Variants in CDH12 observed in about 807,000 individuals in gnomAD.
The protein encoded by CDH12 is cadherin-12.
In CDH12, 41 loss-of-function variants were observed where a neutral mutation model predicts 74.1. That is an observed-to-expected ratio of 0.55 (90% CI 0.43 to 0.72). CDH12 has a LOEUF of 0.72. CDH12 is among the 30% of genes least tolerant of loss of function. The pLI is 0.00. For missense variants in CDH12, 945 were observed against 977.2 expected, an observed-to-expected ratio of 0.97 and a Z score of 0.44; for synonymous variants, 399 against 355.0, an observed-to-expected ratio of 1.12 and a Z score of -1.39.
chr5:22,099,110 T>G (rs946159795), intron 4 of CDH12, among the ~76,000 whole-genome samples: 7 of 152,130 alleles, frequency 4.6e-5, no homozygotes, highest in African/African-American at 1.7e-4. Context: ...AAATACCTCT[T>G]AGTCTAGGTA....
At chr5:21,996,772 T>G in intron 5 of CDH12, among the ~76,000 whole-genome samples, 1 of 152,330 alleles carries the variant, frequency 6.6e-6, no homozygotes, top group East Asian at 1.9e-4. Flanking sequence ...ATGGATTTCA[T>G]ATGTAAATGT....
chr5:22,257,762 C>G (rs1385257541), intron 3 of CDH12, among the ~76,000 whole-genome samples: 3 of 152,022 alleles, frequency 2.0e-5, no homozygotes, highest in African/African-American at 7.2e-5. Context: ...TCCCAAAGTG[C>G]TGGGATTACA....
At chr5:22,681,569 A>G (rs1741495739) in intron 1 of CDH12, among the ~76,000 whole-genome samples, 1 of 152,056 alleles carries the variant, frequency 6.6e-6, no homozygotes, top group South Asian at 2.1e-4. Context: ...TGCATATTAA[A>G]CTATAAAAGG....
chr5:22,166,741 T>C (rs1748705788), intron 4 of CDH12, among the ~76,000 whole-genome samples: 1 of 152,226 alleles, frequency 6.6e-6, no homozygotes, highest in Admixed American at 6.5e-5. Context: ...ATAAAAATGC[T>C]GTTTCTCTAA....
chr5:21,946,981 TAGTG>T (rs1482905550), intron 6 of CDH12, among the ~76,000 whole-genome samples: 5 of 152,274 alleles, frequency 3.3e-5, no homozygotes, highest in South Asian at 2.1e-4. Context: ...GTTCTCATGA[TAGTG>T]AGTAAGTTTT....
intron 1 of CDH12, among the ~76,000 whole-genome samples, chr5:22,611,288 A>G (rs952808205): frequency 6.6e-6 from 1 of 152,128 alleles, no homozygotes; most frequent in Non-Finnish European, 1.5e-5. Context: ...CAATTGAAAA[A>G]CCATTTATTT....
chr5:22,387,299 T>A (rs1742041672), intron 3 of CDH12, among the ~76,000 whole-genome samples: 1 of 152,102 alleles, frequency 6.6e-6, no homozygotes, highest in Admixed American at 6.6e-5. Context: ...TAAAAAAATG[T>A]AATGTACATT....
intron 9 of CDH12, among the ~76,000 whole-genome samples, chr5:21,813,923 C>T (rs1289714837): frequency 3.9e-5 from 6 of 152,062 alleles, no homozygotes; most frequent in Non-Finnish European, 7.4e-5. Flanking sequence ...TTGTTTATCT[C>T]CTGACGTCCT....
intron 4 of CDH12, among the ~76,000 whole-genome samples, chr5:22,102,090 T>C (rs1447711383): frequency 6.6e-6 from 1 of 152,202 alleles, no homozygotes; most frequent in Non-Finnish European, 1.5e-5. Context: ...AGTGAAAATA[T>C]ATATTTATAA....
At chr5:22,774,123 A>C (rs2126320967) in intron 1 of CDH12, among the ~76,000 whole-genome samples, 1 of 152,286 alleles carries the variant, frequency 6.6e-6, no homozygotes, top group East Asian at 1.9e-4. Flanking sequence ...CAATCCTATT[A>C]CTTGGTATAT....
intron 5 of CDH12, among the ~76,000 whole-genome samples, chr5:22,065,358 C>G (rs546689000): frequency 6.6e-6 from 1 of 152,230 alleles, no homozygotes; most frequent in South Asian, 2.1e-4. Flanking sequence ...AGAAGAAACA[C>G]AAAGTTAGAT....
intron 1 of CDH12, among the ~76,000 whole-genome samples, chr5:22,641,636 AT>A (rs971418250): frequency 6.6e-6 from 1 of 151,990 alleles, no homozygotes; most frequent in Non-Finnish European, 1.5e-5. Context: ...AATATGCTGG[AT>A]TTTTTCTTGC....
At chr5:22,812,496 T>G (rs1581025396) in intron 1 of CDH12, among the ~76,000 whole-genome samples, 1 of 152,244 alleles carries the variant, frequency 6.6e-6, no homozygotes, top group African/African-American at 2.4e-5. Context: ...GGGTCCCTTT[T>G]GAGGGTGAGG....
In CDH12 at chr5:21,907,128, C is replaced by G. The variant is rs1753677071; in HGVS notation, c.527-52338G>C. On this transcript the variant is annotated intron_variant, in intron 6 of 14. Transcript: ENST00000382254. Reference sequence around the variant, plus strand: ...GGGAGACTGCTCATATAAACTCCAGCAACATCCCCGCATGCATTAGAAAAC... The same window carrying G: ...GGGAGACTGCTCATATAAACTCCAGGAACATCCCCGCATGCATTAGAAAAC... Among the ~76,000 whole-genome samples the G allele has an allele frequency of 2.6e-5, 4 of 152,216 alleles. No homozygotes were observed. The South Asian group carries it at 8.3e-4, about 31-fold the overall frequency.
chr5:22,228,805 A>T (rs1752283161), intron 3 of CDH12, among the ~76,000 whole-genome samples: 2 of 152,130 alleles, frequency 1.3e-5, no homozygotes, highest in African/African-American at 2.4e-5. Flanking sequence ...GTTCTAAAAA[A>T]AATTTATTCT....
At chr5:22,718,154 A>T (rs1019646876) in intron 1 of CDH12, among the ~76,000 whole-genome samples, 1 of 152,260 alleles carries the variant, frequency 6.6e-6, no homozygotes, top group African/African-American at 2.4e-5. Context: ...TGAAAAGAAC[A>T]TCAGTTTAGG....
chr5:22,630,470 G>A (rs1028223541), intron 1 of CDH12, among the ~76,000 whole-genome samples: 2 of 152,110 alleles, frequency 1.3e-5, no homozygotes. Context: ...GAACTGAATA[G>A]AGAACTAATA....
chr5:22,032,834 A>G (rs955972774), intron 5 of CDH12, among the ~76,000 whole-genome samples: 26 of 149,842 alleles, frequency 1.7e-4, no homozygotes, highest in African/African-American at 2.9e-4. Flanking sequence ...ACACACACAC[A>G]CGCACACACA....
In CDH12 at chr5:22,709,639, C is replaced by T. The variant is rs545312733; in HGVS notation, c.-523+143419G>A. Among the ~76,000 whole-genome samples the T allele has an allele frequency of 8.5e-5, 13 of 152,240 alleles. No individual in the cohort carries two copies. In the East Asian group the frequency reaches 1.5e-3, roughly 18 times the overall value. ...AAATCAACCAAGTTCAAATAATCAA[C>T]GTACAGAACCACCTTCACCGAATAC... On this transcript the variant is annotated intron_variant, in intron 1 of 14. Transcript: ENST00000382254.
Sources: allele counts gnomAD v4.1 joint callset (sites outside exome capture counted in the v4.1 genomes callset), GRCh38; gene constraint gnomAD v4.1.1; transcripts MANE v1.5; gene names NCBI Gene and HGNC (gene_info 2026-07-23, HGNC 2026-07-21).